The following SLA variants were observed in gnomAD, a reference collection of about 807,000 sequenced individuals.
SLA encodes src-like-adapter.
A neutral mutation model predicts 30.3 loss-of-function variants in SLA; 16 were observed. The ratio of observed to expected loss-of-function variants is 0.53; its 90% CI spans 0.36 to 0.80. SLA has a LOEUF of 0.80. Ranked by LOEUF, SLA falls within the 30% of genes least tolerant of loss-of-function variation. The probability of loss-of-function intolerance (pLI) is 0.01; values close to 1 mark genes in which losing one functional copy is unlikely to be tolerated. For synonymous variants in SLA, 143 were observed against 137.8 expected (o/e 1.04, Z -0.26); for missense variants, 310 against 345.2 (o/e 0.90, Z 0.81).
chr8:133,055,341 T>C (rs1841177331), intron 3 of SLA, among the ~76,000 whole-genome samples: 1 of 149,646 alleles, frequency 6.7e-6, no homozygotes. Context: ...CAGTGTCATC[T>C]TCAGGACACA....
At chr8:133,042,803 C>A (rs1838556808) in intron 7 of SLA, among the ~76,000 whole-genome samples, 1 of 149,026 alleles carries the variant, frequency 6.7e-6, no homozygotes, top group African/African-American at 2.5e-5. Flanking sequence ...AAGTGATTCC[C>A]CTGCCTCAGC....
intron 7 of SLA, among the ~76,000 whole-genome samples, chr8:133,041,155 G>A (rs2131087672): frequency 6.6e-6 from 1 of 152,328 alleles, no homozygotes; most frequent in South Asian, 2.1e-4. Context: ...GAGATGATGT[G>A]GTCAAGGGGG....
Position 133,042,691 on chromosome 8 carries a change from T to C in SLA, c.484+2293A>G, listed in dbSNP as rs1160601209. ...CTCATTCTGTGTCTTTTTTTTTTTT[T>C]TTTTTTTTTTTTTTTTTTGTGAGAT... is the stretch of plus-strand genomic sequence containing the variant. On this transcript the variant is annotated intron_variant, in intron 7 of 8. Coordinates refer to ENST00000338087, the MANE Select transcript of SLA (RefSeq NM_001045556.3). 9.7e-5 allele frequency among the ~76,000 whole-genome samples: 12 copies of C among 123,924 alleles called. 1 individual carries two copies. The highest frequency in any genetic ancestry group is 3.2e-4 in the African/African-American group (9 of 28,306). The allele number at this position is 123,924 out of a possible 152,430, so 81.3% of individuals were successfully genotyped here. A position where few individuals can be genotyped will look rare whatever the true frequency, so the allele number is the denominator to read the frequency against.
chr8:133,085,467 C>A (rs189270808), intron 1 of SLA, among the ~76,000 whole-genome samples: 3 of 152,136 alleles, frequency 2.0e-5, no homozygotes, highest in Non-Finnish European at 2.9e-5. Context: ...TAATAAGGGA[C>A]TTGTACCAAG....
intron 4 of SLA, chr8:133,050,214 A>G (rs1216210766): frequency 3.6e-6 from 2 of 549,454 alleles, no homozygotes; most frequent in African/African-American, 3.8e-5. Flanking sequence ...AAACCCTCCC[A>G]TGTGCTAGAA....
chr8:133,047,237 T>G (rs1419418543), intron 6 of SLA: 1 of 152,362 alleles, frequency 6.6e-6, no homozygotes. Flanking sequence ...TTAATGCATA[T>G]GATGCAAGGA....
intron 2 of SLA, among the ~76,000 whole-genome samples, chr8:133,067,095 A>G (rs1843141519): frequency 6.6e-6 from 1 of 152,280 alleles, no homozygotes. Flanking sequence ...CAGGAAAAAT[A>G]AGAGCTGGCA....
At chr8:133,089,143 A>T (rs939599413) in intron 1 of SLA, among the ~76,000 whole-genome samples, 1 of 152,082 alleles carries the variant, frequency 6.6e-6, no homozygotes, top group African/African-American at 2.4e-5. Context: ...CTTAGACCTT[A>T]CAAGTCACCG....
chr8:133,083,638 A>G (rs1050845533), intron 1 of SLA, among the ~76,000 whole-genome samples: 1 of 152,172 alleles, frequency 6.6e-6, no homozygotes, highest in African/African-American at 2.4e-5. Flanking sequence ...TCAGTGCAAG[A>G]GTCAGTAAGA....
intron 2 of SLA, among the ~76,000 whole-genome samples, chr8:133,067,829 A>G (rs1263927051): frequency 1.3e-5 from 2 of 149,648 alleles, no homozygotes; most frequent in Non-Finnish European, 3.0e-5. Context: ...AGGAAGGGGG[A>G]GAGAGAGAGA....
At chr8:133,046,074 T>A (rs1210917609) in intron 6 of SLA, among the ~76,000 whole-genome samples, 2 of 152,102 alleles carry the variant, frequency 1.3e-5, no homozygotes, top group Admixed American at 1.3e-4. Context: ...CTGATATGGG[T>A]TGGTAAGAGT....
At chr8:133,046,548 C>T (rs1839437161) in intron 6 of SLA, 2 of 152,238 alleles carry the variant, frequency 1.3e-5, no homozygotes, top group Admixed American at 6.5e-5. Context: ...TTTGCATACC[C>T]AAGGTGGGCC....
Position 133,047,916 on chromosome 8 carries a change from A to G in SLA, c.266T>C (p.Leu89Pro), listed in dbSNP as rs767704779. The G allele has an allele frequency of 3.1e-6, 5 of 1,610,126 alleles. No homozygotes were observed. The highest frequency in any genetic ancestry group is 4.2e-6 in the Non-Finnish European group (5 of 1,177,642). Residue 89 changes from leucine (L) to proline (P), a missense_variant, in exon 6 of 9, where the codon CTG becomes CCG. Leu to Pro is a moderately conservative substitution (Grantham distance 98, BLOSUM62 -3). Coordinates refer to ENST00000338087, the MANE Select transcript of SLA (RefSeq NM_001045556.3). ...RVYHGWLFEG[L>P]GRDKAEELLQ... ...CAGCTCCTCGGCCTTGTCTCTGCCC[A>G]GGCCCTCAAACAGCCAGCTGGGAAG... is the stretch of plus-strand genomic sequence containing the variant.
At chr8:133,043,857 G>C (rs1047733792) in intron 7 of SLA, among the ~76,000 whole-genome samples, 1 of 152,198 alleles carries the variant, frequency 6.6e-6, no homozygotes, top group Non-Finnish European at 1.5e-5. Context: ...ACCCAGAAGG[G>C]GGAAGATGCT....
At chr8:133,047,978 C>G in intron 5 of SLA, 45 bp from the exon 6 acceptor site, 1 of 1,268,878 alleles carries the variant, frequency 7.9e-7, no homozygotes, top group East Asian at 2.3e-5. Context: ...ACAAGCCCTC[C>G]CCCAGGAAAG....
intron 7 of SLA, among the ~76,000 whole-genome samples, chr8:133,040,837 C>T (rs919795092): frequency 1.3e-5 from 2 of 152,144 alleles, no homozygotes; most frequent in Admixed American, 6.5e-5. Flanking sequence ...AAAGAGAATG[C>T]AGACAAAGAA....
At chr8:133,062,826 C>T (rs757192626) in intron 2 of SLA, among the ~76,000 whole-genome samples, 5 of 151,526 alleles carry the variant, frequency 3.3e-5, no homozygotes, top group East Asian at 1.9e-4. Context: ...TCAGGAAGCA[C>T]ACATGTGACA....
intron 7 of SLA, among the ~76,000 whole-genome samples, chr8:133,042,727 T>G (rs79777246): frequency 0.025 from 3,435 of 137,194 alleles, 156 homozygotes; most frequent in African/African-American, 0.089. Context: ...GGAGTCTTGC[T>G]CTGCCACACA....
At chr8:133,094,845 A>C (rs1848168419) in intron 1 of SLA, 1 of 697,236 alleles carries the variant, frequency 1.4e-6, no homozygotes, top group African/African-American at 1.8e-5. Context: ...GCCTAGAGAG[A>C]CATCTTCAGT....
Sources: allele counts gnomAD v4.1 joint callset (sites outside exome capture counted in the v4.1 genomes callset), GRCh38; gene constraint gnomAD v4.1.1; transcripts MANE v1.5; gene names NCBI Gene and HGNC (gene_info 2026-07-23, HGNC 2026-07-21).